The following PRKCE variants were observed in gnomAD, a reference collection of about 807,000 sequenced individuals.
PRKCE encodes protein kinase C epsilon type.
PRKCE carries 16 observed loss-of-function variants against 85.4 expected under a neutral mutation model. The observed-to-expected ratio is 0.19, with a 90% CI of 0.13 to 0.28. The LOEUF (loss-of-function observed/expected upper bound fraction) is 0.28. Ranked by LOEUF, PRKCE falls within the 10% of genes least tolerant of loss-of-function variation. The probability of loss-of-function intolerance (pLI) is 1.00; values close to 1 mark genes in which losing one functional copy is unlikely to be tolerated. For synonymous variants in PRKCE, 388 were observed against 371.5 expected (o/e 1.04, Z -0.51); for missense variants, 573 against 975.2 (o/e 0.59, Z 5.49).
intron 1 of PRKCE, among the ~76,000 whole-genome samples, chr2:45,783,517 C>T (rs1254871197): frequency 3.9e-5 from 6 of 152,228 alleles, no homozygotes; most frequent in Admixed American, 2.0e-4. Flanking sequence ...TTCAGCATTT[C>T]CCTCCTTGGG....
At chr2:45,738,292 C>G (rs1682258621) in intron 1 of PRKCE, among the ~76,000 whole-genome samples, 1 of 152,212 alleles carries the variant, frequency 6.6e-6, no homozygotes, top group Admixed American at 6.5e-5. Context: ...CCTTTTATGG[C>G]ATTTACCCAG....
chr2:46,068,683 A>G lies in PRKCE; in HGVS notation c.1438-17525A>G, dbSNP rs1667827315. Among the ~76,000 whole-genome samples the G allele has an allele frequency of 6.6e-6, 1 of 152,200 alleles. No homozygotes were observed. Among genetic ancestry groups the G allele is most frequent in the Non-Finnish European group, 1.5e-5 (1 of 68,036 alleles). The stretch of plus-strand genomic sequence containing the variant: ...GAAGAATTCTCCAAGGGCTGTCTTC[A>G]TTTGCAAAGGCATCACCAATGAGCA... On this transcript the variant is annotated intron_variant, in intron 10 of 14. Coordinates refer to ENST00000306156, the MANE Select transcript of PRKCE (RefSeq NM_005400.3). This position sits in a 1 kb window ranked among gnomAD's most constrained non-coding sequence, Gnocchi z 4.3.
intron 2 of PRKCE, 26 bp from the exon 3 acceptor site, chr2:45,976,403 T>A: frequency 6.3e-7 from 1 of 1,594,162 alleles, no homozygotes; most frequent in Non-Finnish European, 8.5e-7. Flanking sequence ...GACTCCGTTT[T>A]CTTCCCTGCT....
At chr2:46,029,001 T>C (rs551213625) in intron 10 of PRKCE, among the ~76,000 whole-genome samples, 117 of 152,340 alleles carry the variant, frequency 7.7e-4, no homozygotes, top group African/African-American at 2.8e-3. Flanking sequence ...GGTTCTTTTT[T>C]ATGGCTGCAT....
intron 1 of PRKCE, among the ~76,000 whole-genome samples, chr2:45,821,781 G>A (rs1689553701): frequency 6.6e-6 from 1 of 152,268 alleles, no homozygotes; most frequent in East Asian, 1.9e-4. Context: ...GGGGACAGAG[G>A]GAAGGCTTGG....
At chr2:46,152,554 G>A (rs1452799315) in intron 13 of PRKCE, among the ~76,000 whole-genome samples, 3 of 151,260 alleles carry the variant, frequency 2.0e-5, no homozygotes, top group African/African-American at 4.9e-5. Context: ...ATGAATTAAT[G>A]TAATTTTTTT....
intron 10 of PRKCE, among the ~76,000 whole-genome samples, chr2:46,040,313 G>A (rs989800203): frequency 6.6e-6 from 1 of 152,222 alleles, no homozygotes; most frequent in African/African-American, 2.4e-5. Context: ...GTGGAAAGCA[G>A]GAATTGTGAA....
chr2:46,080,324 C>G (rs370439438), intron 10 of PRKCE, among the ~76,000 whole-genome samples: 173 of 145,720 alleles, frequency 1.2e-3, no homozygotes, highest in African/African-American at 4.4e-3. Context: ...TTAAAACACC[C>G]TTAATGTGTA....
At chr2:45,798,055 C>T (rs941323984) in intron 1 of PRKCE, among the ~76,000 whole-genome samples, 1 of 152,160 alleles carries the variant, frequency 6.6e-6, no homozygotes, top group African/African-American at 2.4e-5. Context: ...AACCCAGGAG[C>T]CAGCTCCTTG....
chr2:46,027,615 T>C (rs989712312), intron 10 of PRKCE, among the ~76,000 whole-genome samples: 1 of 152,228 alleles, frequency 6.6e-6, no homozygotes, highest in Admixed American at 6.5e-5. Context: ...CAAACTGTCA[T>C]AGGCACTAGC....
intron 2 of PRKCE, among the ~76,000 whole-genome samples, chr2:45,901,546 C>T (rs1475407999): frequency 6.6e-6 from 1 of 152,172 alleles, no homozygotes; most frequent in African/African-American, 2.4e-5. Flanking sequence ...TCTATTTCAC[C>T]TTGGAAACTA....
intron 1 of PRKCE, among the ~76,000 whole-genome samples, chr2:45,741,055 G>A (rs970901764): frequency 6.6e-6 from 1 of 152,076 alleles, no homozygotes; most frequent in African/African-American, 2.4e-5. Flanking sequence ...AATTAAAAAG[G>A]TTGCTCACCA....
chr2:45,761,259 A>G (rs183983723), intron 1 of PRKCE, among the ~76,000 whole-genome samples: 2,147 of 145,036 alleles, frequency 0.015, 42 homozygotes, highest in African/African-American at 0.049. Flanking sequence ...CCCGGGAGGC[A>G]GAGCTTGCAG....
chr2:45,779,876 A>G (rs982687646), intron 1 of PRKCE, among the ~76,000 whole-genome samples: 4 of 152,238 alleles, frequency 2.6e-5, no homozygotes, highest in Admixed American at 2.0e-4. Context: ...ACCTTTTACT[A>G]TGGAAAATTT....
At chr2:45,921,303 G>C (rs567009370) in intron 2 of PRKCE, among the ~76,000 whole-genome samples, 1 of 152,358 alleles carries the variant, frequency 6.6e-6, no homozygotes, top group African/African-American at 2.4e-5. Context: ...TATAGCCTTT[G>C]AGGGAGATGG....
intron 6 of PRKCE, among the ~76,000 whole-genome samples, chr2:45,985,559 G>C (rs1238574740): frequency 6.6e-6 from 1 of 152,108 alleles, no homozygotes. Context: ...AAGAATATAA[G>C]TAAAGTATAA....
At position 45,832,683 on chromosome 2, in the gene PRKCE, C is replaced by G. The variant is rs191002428; in HGVS notation, c.349-10317C>G. ...CACAACGTGTTCTTTCTACAGATCTCCCAGAGCTCAGGCTGTCTGTGGGGC... is the reference window on the plus strand; with the variant it reads ...CACAACGTGTTCTTTCTACAGATCTGCCAGAGCTCAGGCTGTCTGTGGGGC... On this transcript the variant is annotated intron_variant, in intron 1 of 14. Transcript: ENST00000306156. 3.7e-4 allele frequency among the ~76,000 whole-genome samples: 57 copies of G among 152,288 alleles called. No homozygotes were observed. In the East Asian group the frequency reaches 6.6e-3, roughly 18 times the overall value.
At chr2:45,880,780 A>C (rs1444814620) in intron 2 of PRKCE, among the ~76,000 whole-genome samples, 1 of 152,206 alleles carries the variant, frequency 6.6e-6, no homozygotes, top group Non-Finnish European at 1.5e-5. Flanking sequence ...TCTTATTAAG[A>C]AACACTACTT....
At chr2:45,975,948 G>A (rs1219715333) in intron 2 of PRKCE, among the ~76,000 whole-genome samples, 1 of 152,222 alleles carries the variant, frequency 6.6e-6, no homozygotes, top group Non-Finnish European at 1.5e-5. Context: ...TTAGGGTGTG[G>A]AGATTCATCT....
Sources: gnomAD v4.1 joint callset for allele counts (sites outside exome capture counted in the v4.1 genomes callset) on GRCh38, gnomAD v4.1.1 for gene constraint, Gnocchi (gnomAD v3.1) non-coding constraint, MANE v1.5 for transcripts, NCBI Gene and HGNC (gene_info 2026-07-23, HGNC 2026-07-21) for gene names.